Variants in PRKG1 observed in about 807,000 individuals in gnomAD.
PRKG1 encodes protein kinase cGMP-dependent 1.
PRKG1 carries 35 observed loss-of-function variants against 88.1 expected under a neutral mutation model. The ratio of observed to expected loss-of-function variants is 0.40; its 90% CI spans 0.30 to 0.53. PRKG1 has a LOEUF of 0.53. PRKG1 is among the 20% of genes least tolerant of loss of function. The pLI is 0.59. For missense variants in PRKG1, 540 were observed against 839.8 expected, an observed-to-expected ratio of 0.64 and a Z score of 4.41; for synonymous variants, 303 against 292.5, an observed-to-expected ratio of 1.04 and a Z score of -0.37.
chr10:51,583,943 C>A (rs570420375), intron 3 of PRKG1, among the ~76,000 whole-genome samples: 66 of 152,134 alleles, frequency 4.3e-4, no homozygotes, highest in African/African-American at 1.5e-3. Context: ...TAAGGCTTTG[C>A]AAATCTTTCG....
intron 2 of PRKG1, among the ~76,000 whole-genome samples, chr10:51,158,684 T>G (rs1846279368): frequency 6.6e-6 from 1 of 152,008 alleles, no homozygotes; most frequent in Non-Finnish European, 1.5e-5. Context: ...ATGGCTATGA[T>G]TTGGCTTAAT....
chr10:51,573,964 G>A (rs1416278188), intron 3 of PRKG1, among the ~76,000 whole-genome samples: 1 of 151,872 alleles, frequency 6.6e-6, no homozygotes, highest in Non-Finnish European at 1.5e-5. Flanking sequence ...GAAGCACTTA[G>A]CAGCTTACCA....
At chr10:51,250,635 T>C (rs1300719475) in intron 2 of PRKG1, among the ~76,000 whole-genome samples, 1 of 151,816 alleles carries the variant, frequency 6.6e-6, no homozygotes, top group African/African-American at 2.4e-5. Context: ...TTGTGCCTTT[T>C]TCAGCTTAGA....
chr10:51,506,194 T>C (rs1353914406), intron 3 of PRKG1, among the ~76,000 whole-genome samples: 2 of 152,140 alleles, frequency 1.3e-5, no homozygotes, highest in Non-Finnish European at 2.9e-5. Flanking sequence ...CCTAAAACCA[T>C]GAAAATCCTA....
In PRKG1 at chr10:52,272,339, T is replaced by G. The variant is rs1589750335; in HGVS notation, c.1314-53T>G. On this transcript the variant is annotated intron_variant, in intron 11 of 17. Transcript: ENST00000373980. ...ATCTGGGCCCCCCAAAATTGCACAC[T>G]TGTAAAAGACAGTAATGTTTATAAT... The G allele has an allele frequency of 1.3e-5, 19 of 1,419,892 alleles. No homozygotes were observed. In the East Asian group the frequency reaches 4.4e-4, roughly 33 times the overall value. The allele number at this position is 1,419,892 out of a possible 1,614,324, so 88.0% of individuals were successfully genotyped here. A position where few individuals can be genotyped will look rare whatever the true frequency, so the allele number is the denominator to read the frequency against.
chr10:51,706,727 T>C (rs1162211345), intron 3 of PRKG1, among the ~76,000 whole-genome samples: 1 of 152,148 alleles, frequency 6.6e-6, no homozygotes, highest in Non-Finnish European at 1.5e-5. Flanking sequence ...ATGACTTAGA[T>C]TGGCTACCTA....
chr10:52,285,635 A>C (rs11001452), intron 14 of PRKG1, among the ~76,000 whole-genome samples: 16,446 of 152,150 alleles, frequency 0.11, 1,449 homozygotes, highest in African/African-American at 0.24. Context: ...TAAAGAACAC[A>C]CAAGAAAAAT....
intron 3 of PRKG1, among the ~76,000 whole-genome samples, chr10:51,575,814 C>A (rs1176282607): frequency 3.3e-5 from 5 of 151,712 alleles, no homozygotes; most frequent in African/African-American, 9.7e-5. Context: ...TTCTAATACA[C>A]TATCACTAGT....
chr10:51,527,728 G>C (rs1206228441), intron 3 of PRKG1, among the ~76,000 whole-genome samples: 1 of 152,154 alleles, frequency 6.6e-6, no homozygotes, highest in Non-Finnish European at 1.5e-5. Context: ...TTGTAATTTA[G>C]ATCCTAGCAA....
chr10:51,117,569 T>G (rs1158778375), intron 1 of PRKG1, among the ~76,000 whole-genome samples: 1 of 152,240 alleles, frequency 6.6e-6, no homozygotes, highest in East Asian at 1.9e-4. Context: ...CCTAGTACTG[T>G]GTGGGTACTG....
At chr10:51,548,805 G>A (rs1842507044) in intron 3 of PRKG1, among the ~76,000 whole-genome samples, 1 of 152,036 alleles carries the variant, frequency 6.6e-6, no homozygotes, top group Non-Finnish European at 1.5e-5. Context: ...ATCTCCAGAG[G>A]CTCAGTCCTT....
chr10:51,966,342 C>G (rs938253119), intron 5 of PRKG1, among the ~76,000 whole-genome samples: 10 of 152,066 alleles, frequency 6.6e-5, no homozygotes, highest in Non-Finnish European at 1.2e-4. Flanking sequence ...TTAATAATTC[C>G]TTTCTCTGTG....
At position 51,579,664 on chromosome 10, in the gene PRKG1, A is replaced by G. The variant is rs76158312; in HGVS notation, c.592+111828A>G. On this transcript the variant is annotated intron_variant, in intron 3 of 17. Coordinates refer to ENST00000373980, the MANE Select transcript of PRKG1 (RefSeq NM_006258.4). ...ATTTCATGAAGTCCTTTTCTGATCT[A>G]TTAACTATATGAGGAGACTGGCTAT... Among the ~76,000 whole-genome samples, 742 of 152,268 alleles carry G rather than the reference A, an allele frequency of 4.9e-3. 7 individuals are homozygous for G. The highest frequency in any genetic ancestry group is 0.017 in the African/African-American group (697 of 41,570).
chr10:52,224,836 TATAC>T (rs1168693557), intron 9 of PRKG1, among the ~76,000 whole-genome samples: 7 of 89,884 alleles, frequency 7.8e-5, no homozygotes, highest in Admixed American at 3.5e-4. Context: ...TATATATATA[TATAC>T]ATACATACAT....
chr10:51,336,334 C>T (rs768202621), intron 2 of PRKG1, among the ~76,000 whole-genome samples: 1 of 151,888 alleles, frequency 6.6e-6, no homozygotes, highest in Admixed American at 6.6e-5. Flanking sequence ...GCCTGGGCAA[C>T]AGAGCAAGAC....
At chr10:51,944,799 A>C (rs1211678557) in intron 5 of PRKG1, among the ~76,000 whole-genome samples, 1 of 151,918 alleles carries the variant, frequency 6.6e-6, no homozygotes, top group Non-Finnish European at 1.5e-5. Context: ...TTCTAGTTTG[A>C]TTGCACTGTG....
At chr10:51,324,049 C>A (rs1588839054) in intron 2 of PRKG1, among the ~76,000 whole-genome samples, 1 of 152,310 alleles carries the variant, frequency 6.6e-6, no homozygotes, top group East Asian at 1.9e-4. Flanking sequence ...ATGATTACAT[C>A]AGAGTAATTG....
At chr10:52,162,114 T>C (rs758032139) in intron 9 of PRKG1, 151 bp downstream of exon 9, 9 of 656,032 alleles carry the variant, frequency 1.4e-5, no homozygotes, top group Non-Finnish European at 2.1e-5. Context: ...AAGATAATTA[T>C]TACACGGTAT....
chr10:51,619,515 A>G (rs1311234529), intron 3 of PRKG1, among the ~76,000 whole-genome samples: 1 of 152,220 alleles, frequency 6.6e-6, no homozygotes, highest in Non-Finnish European at 1.5e-5. Context: ...AGACCAATCA[A>G]ATCAATCAAG....
Sources: allele counts gnomAD v4.1 joint callset (sites outside exome capture counted in the v4.1 genomes callset), GRCh38; gene constraint gnomAD v4.1.1; transcripts MANE v1.5; gene names NCBI Gene and HGNC (gene_info 2026-07-23, HGNC 2026-07-21).